CTNNA2: variants seen among roughly 807,000 people sequenced by gnomAD.
The protein encoded by CTNNA2 is catenin alpha-2.
Under a neutral mutation model 101.0 loss-of-function variants are expected in CTNNA2, and 42 were observed. The observed-to-expected ratio is 0.42, with a 90% confidence interval of 0.32 to 0.54. The LOEUF is 0.54. Ranked by LOEUF, CTNNA2 falls within the 20% of genes least tolerant of loss-of-function variation. The pLI is 0.14. For synonymous variants in CTNNA2, 450 were observed against 456.4 expected (o/e 0.99, Z 0.18); for missense variants, 871 against 1,223.1 (o/e 0.71, Z 4.29).
At chr2:79,401,321 TA>T (rs905954595) in intron 4 of CTNNA2, among the ~76,000 whole-genome samples, 1 of 151,286 alleles carries the variant, frequency 6.6e-6, no homozygotes, top group African/African-American at 2.4e-5. Context: ...AATGCAAAAA[TA>T]AAAATAATAT....
At chr2:79,573,971 G>T (rs1390427370) in intron 1 of CTNNA2, 2 of 172,992 alleles carry the variant, frequency 1.2e-5, no homozygotes, top group Non-Finnish European at 2.6e-5. Flanking sequence ...TCTTGTTCAG[G>T]AAGGGAATTA....
intron 7 of CTNNA2, among the ~76,000 whole-genome samples, chr2:80,050,097 T>A (rs1484704351): frequency 2.6e-5 from 4 of 152,156 alleles, no homozygotes; most frequent in South Asian, 2.1e-4. Flanking sequence ...TATAAGCTGA[T>A]GCTGCCCATT....
chr2:80,101,356 C>T (rs1038146470), intron 7 of CTNNA2, among the ~76,000 whole-genome samples: 1 of 152,172 alleles, frequency 6.6e-6, no homozygotes, highest in African/African-American at 2.4e-5. Context: ...AAACAGTTGA[C>T]ACTGTACATT....
intron 3 of CTNNA2, among the ~76,000 whole-genome samples, chr2:79,344,477 A>G (rs1489365788): frequency 6.6e-6 from 1 of 152,072 alleles, no homozygotes. Context: ...AGTTTCACAT[A>G]ATAGGTCTCT....
At chr2:79,357,858 G>A (rs11894046) in intron 3 of CTNNA2, among the ~76,000 whole-genome samples, 8,133 of 152,090 alleles carry the variant, frequency 0.053, 412 homozygotes, top group African/African-American at 0.13. Context: ...AAAAAGAAAC[G>A]TTTTTTTAAA....
At chr2:79,494,959 T>G (rs1206814038) in intron 4 of CTNNA2, among the ~76,000 whole-genome samples, 2 of 151,822 alleles carry the variant, frequency 1.3e-5, no homozygotes, top group Non-Finnish European at 2.9e-5. Context: ...AAAAATTAGC[T>G]GGGCGTGGTT....
chr2:80,477,289 G>A lies in CTNNA2; in HGVS notation c.1290+57688G>A, dbSNP rs186364815. ...ATTATCTTAAGTGGTTGTAATAACA[G>A]TCAATACTAACTGATTGCTTTCTAG... On this transcript the variant is annotated intron_variant, in intron 9 of 18. Coordinates refer to ENST00000402739, the MANE Select transcript of CTNNA2 (RefSeq NM_001282597.3). Among the ~76,000 whole-genome samples the A allele has an allele frequency of 3.3e-5, 5 of 152,252 alleles. No homozygotes were observed. In the East Asian group the frequency reaches 9.7e-4, roughly 29 times the overall value.
At chr2:79,961,385 T>C (rs1689614562) in intron 7 of CTNNA2, among the ~76,000 whole-genome samples, 2 of 152,252 alleles carry the variant, frequency 1.3e-5, no homozygotes, top group Non-Finnish European at 2.9e-5. Context: ...ATGATTCCCT[T>C]ATTACCAGCC....
At chr2:80,398,422 A>G (rs1458950819) in intron 8 of CTNNA2, among the ~76,000 whole-genome samples, 4 of 152,188 alleles carry the variant, frequency 2.6e-5, no homozygotes, top group African/African-American at 9.6e-5. Flanking sequence ...GAAACCCTAC[A>G]TAAGAGCTAA....
intron 1 of CTNNA2, among the ~76,000 whole-genome samples, chr2:79,595,350 G>C (rs1301567375): frequency 6.6e-6 from 1 of 152,104 alleles, no homozygotes; most frequent in Non-Finnish European, 1.5e-5. Flanking sequence ...GTATGTGCCA[G>C]TGACTCACAA....
intron 15 of CTNNA2, among the ~76,000 whole-genome samples, chr2:80,602,438 A>G (rs1006258684): frequency 1.3e-5 from 2 of 152,064 alleles, no homozygotes; most frequent in African/African-American, 4.8e-5. Flanking sequence ...GAAATACACA[A>G]TTGTTAGCAA....
intron 3 of CTNNA2, among the ~76,000 whole-genome samples, chr2:79,843,735 G>A (rs890875504): frequency 2.6e-5 from 4 of 152,240 alleles, no homozygotes; most frequent in East Asian, 1.9e-4. Context: ...AGTTGAAAAC[G>A]AACTTTCCCT....
At chr2:80,413,117 C>T (rs1463290836) in intron 8 of CTNNA2, among the ~76,000 whole-genome samples, 2 of 152,124 alleles carry the variant, frequency 1.3e-5, no homozygotes, top group Non-Finnish European at 2.9e-5. Context: ...TACTGACTAT[C>T]AGCACTCACA....
chr2:80,380,912 T>G (rs541312257), intron 7 of CTNNA2, among the ~76,000 whole-genome samples: 1 of 152,172 alleles, frequency 6.6e-6, no homozygotes, highest in Non-Finnish European at 1.5e-5. Flanking sequence ...TGAGGAATAT[T>G]TGGGACGATG....
In CTNNA2 at chr2:79,597,754, T is replaced by C. The variant is rs551751333; in HGVS notation, c.-5-53798T>C. Among the ~76,000 whole-genome samples, 6 of 152,278 alleles carry C rather than the reference T, an allele frequency of 3.9e-5. No homozygotes were observed. The East Asian group carries it at 9.6e-4, about 24-fold the overall frequency. ...AGACCCAGTACTATAGTGGTATATT[T>C]GTTACAATTGAAGAACCTACACTGA... On this transcript the variant is annotated intron_variant, in intron 1 of 18. Transcript: ENST00000402739.
chr2:80,117,459 T>TGTGTGTGC (rs1384558760), intron 7 of CTNNA2, among the ~76,000 whole-genome samples: 4 of 150,712 alleles, frequency 2.7e-5, no homozygotes, highest in Non-Finnish European at 5.9e-5. Flanking sequence ...TGTGTGAGTG[T>TGTGTGTGC]GTGTGTGTGT....
At chr2:80,503,314 A>G (rs1167506284) in intron 9 of CTNNA2, among the ~76,000 whole-genome samples, 3 of 152,244 alleles carry the variant, frequency 2.0e-5, no homozygotes, top group Non-Finnish European at 4.4e-5. Flanking sequence ...ATTTCAGAGA[A>G]GAATGGACTG....
intron 7 of CTNNA2, among the ~76,000 whole-genome samples, chr2:80,089,989 G>C (rs2148818473): frequency 6.6e-6 from 1 of 152,148 alleles, no homozygotes; most frequent in East Asian, 1.9e-4. Context: ...GTGTTAAAAT[G>C]TTGGGTCTCT....
Position 80,374,682 on chromosome 2 carries a change from CGTGTGTGTGT to C in CTNNA2, c.1057-18504_1057-18495del, listed in dbSNP as rs57179557. 8.2e-5 allele frequency among the ~76,000 whole-genome samples: 11 copies of C among 134,028 alleles called. 1 individual carries two copies. Among genetic ancestry groups the C allele is most frequent in the Admixed American group, 3.7e-4 (5 of 13,598 alleles). 87.9% of individuals were successfully genotyped at this position (134,028 alleles called of 152,430 possible). On this transcript the variant is annotated intron_variant, in intron 7 of 18. Transcript: ENST00000402739. ...TGTCTTTCCTCTGCGTGCGTGCGTG[CGTGTGTGTGT>C]GTGTGTGTGTGTGTGTGTGTGTGTC...
Sources: gnomAD v4.1 joint callset for allele counts (sites outside exome capture counted in the v4.1 genomes callset) on GRCh38, gnomAD v4.1.1 for gene constraint, MANE v1.5 for transcripts, NCBI Gene and HGNC (gene_info 2026-07-23, HGNC 2026-07-21) for gene names.